The following UNC13C variants were observed in gnomAD, a reference collection of about 807,000 sequenced individuals.
UNC13C encodes the protein protein unc-13 homolog C.
A neutral mutation model predicts 245.4 loss-of-function variants in UNC13C; 174 were observed. That is an observed-to-expected ratio of 0.71 (90% CI 0.63 to 0.80). UNC13C has a LOEUF of 0.80. Ranked by LOEUF, UNC13C falls within the 30% of genes least tolerant of loss-of-function variation. UNC13C has a pLI of 0.00. For synonymous variants in UNC13C, 992 were observed against 895.1 expected (o/e 1.11, Z -1.93); for missense variants, 2,829 against 2,602.9 (o/e 1.09, Z -1.89).
the UNC13C span, among the ~76,000 whole-genome samples, chr15:53,956,313 C>T: frequency 6.6e-6 from 1 of 151,790 alleles, no homozygotes. Flanking sequence ...ACGTGTACCA[C>T]CTGAATCTAA....
At chr15:54,225,545 T>A (rs1369364362) in intron 4 of UNC13C, among the ~76,000 whole-genome samples, 1 of 152,224 alleles carries the variant, frequency 6.6e-6, no homozygotes, top group Non-Finnish European at 1.5e-5. Context: ...GCTGTATTCC[T>A]GGGTATTTTA....
the UNC13C span, among the ~76,000 whole-genome samples, chr15:53,843,750 G>C: frequency 6.6e-6 from 1 of 152,090 alleles, no homozygotes; most frequent in Non-Finnish European, 1.5e-5. Flanking sequence ...GCACATCCCA[G>C]GTCAGCACAG....
chr15:54,346,940 A>G (rs2038872854), intron 17 of UNC13C, among the ~76,000 whole-genome samples: 1 of 152,204 alleles, frequency 6.6e-6, no homozygotes, highest in Admixed American at 6.5e-5. Flanking sequence ...AAAATAAAAA[A>G]TAAAATTTCA....
chr15:54,237,430 A>G (rs1393571600), intron 6 of UNC13C, 189 bp from the exon 7 acceptor site: 9 of 687,062 alleles, frequency 1.3e-5, no homozygotes, highest in South Asian at 3.1e-5. Flanking sequence ...GAGTTGTGGG[A>G]TCGTTCCAGT....
At chr15:54,258,234 G>T (rs2036331282) in intron 8 of UNC13C, among the ~76,000 whole-genome samples, 1 of 151,486 alleles carries the variant, frequency 6.6e-6, no homozygotes, top group Non-Finnish European at 1.5e-5. Context: ...GCCCTTCCTT[G>T]GCCCTCATCT....
chr15:54,088,907 A>T (rs760031092), intron 2 of UNC13C, among the ~76,000 whole-genome samples: 1 of 152,240 alleles, frequency 6.6e-6, no homozygotes, highest in Non-Finnish European at 1.5e-5. Flanking sequence ...TTGAAACAGA[A>T]GAAATCTTGG....
the UNC13C span, among the ~76,000 whole-genome samples, chr15:53,837,817 C>G: frequency 6.6e-6 from 1 of 152,100 alleles, no homozygotes; most frequent in South Asian, 2.1e-4. Flanking sequence ...TCCATCTTTT[C>G]CCTACTGGTT....
At chr15:54,095,859 G>A (rs913544905) in intron 2 of UNC13C, among the ~76,000 whole-genome samples, 3 of 152,176 alleles carry the variant, frequency 2.0e-5, no homozygotes, top group African/African-American at 7.2e-5. Flanking sequence ...AGTTCCATGG[G>A]ATTTTAGAGG....
the UNC13C span, chr15:53,910,989 G>A: frequency 6.6e-6 from 1 of 152,258 alleles, no homozygotes; most frequent in East Asian, 1.9e-4. Context: ...GTACCCAGGG[G>A]CAGCGGTGCT....
At chr15:53,993,681 G>T (rs1310384623) in intron 1 of UNC13C, among the ~76,000 whole-genome samples, 1 of 152,022 alleles carries the variant, frequency 6.6e-6, no homozygotes, top group African/African-American at 2.4e-5. Flanking sequence ...TTTACTCAGA[G>T]GATATTCTAA....
chr15:54,336,309 C>G (rs1425210899), intron 16 of UNC13C, among the ~76,000 whole-genome samples: 1 of 151,978 alleles, frequency 6.6e-6, no homozygotes, highest in Non-Finnish European at 1.5e-5. Flanking sequence ...TATCTAAAAT[C>G]TACTTTCTTG....
At chr15:54,506,669 G>GACAA (rs1029316634) in intron 22 of UNC13C, among the ~76,000 whole-genome samples, 2 of 152,014 alleles carry the variant, frequency 1.3e-5, no homozygotes, top group Non-Finnish European at 2.9e-5. Flanking sequence ...TAACTCTTTG[G>GACAA]AGTGTCTCCC....
intron 4 of UNC13C, among the ~76,000 whole-genome samples, chr15:54,174,036 T>C (rs146987624): frequency 9.8e-4 from 150 of 152,318 alleles, no homozygotes; most frequent in African/African-American, 3.5e-3. Flanking sequence ...ATTCTTATGA[T>C]AAACTTCAAT....
chr15:53,840,068 T>A, the UNC13C span, among the ~76,000 whole-genome samples: 1 of 152,122 alleles, frequency 6.6e-6, no homozygotes, highest in East Asian at 1.9e-4. Flanking sequence ...ATGAACAGGA[T>A]GAAAGAGCAG....
chr15:54,514,880 T>A (rs1466768102), intron 24 of UNC13C, among the ~76,000 whole-genome samples: 1 of 152,168 alleles, frequency 6.6e-6, no homozygotes, highest in Non-Finnish European at 1.5e-5. Context: ...AAGCAATCAT[T>A]GTTAGACAGT....
intron 4 of UNC13C, among the ~76,000 whole-genome samples, chr15:54,169,281 C>CTA (rs1398002085): frequency 1.3e-5 from 2 of 152,160 alleles, no homozygotes; most frequent in African/African-American, 4.8e-5. Context: ...CATCTGATGG[C>CTA]TATACGTTTA....
intron 19 of UNC13C, among the ~76,000 whole-genome samples, chr15:54,482,103 C>T (rs765607351): frequency 6.6e-6 from 1 of 152,092 alleles, no homozygotes; most frequent in Non-Finnish European, 1.5e-5. Context: ...TGTGCTTTAC[C>T]ACATGTTCCC....
intron 19 of UNC13C, among the ~76,000 whole-genome samples, chr15:54,419,932 C>G (rs1338192800): frequency 6.6e-6 from 1 of 152,012 alleles, no homozygotes; most frequent in African/African-American, 2.4e-5. Flanking sequence ...TATATGAGGC[C>G]TCAGGAGACT....
intron 32 of UNC13C, among the ~76,000 whole-genome samples, chr15:54,626,567 A>G (rs966846258): frequency 1.3e-5 from 2 of 152,102 alleles, no homozygotes; most frequent in South Asian, 2.1e-4. Context: ...CGCACCCGCA[A>G]TCAGGAGATT....
Sources: gnomAD v4.1 joint callset for allele counts (sites outside exome capture counted in the v4.1 genomes callset) on GRCh38, gnomAD v4.1.1 for gene constraint, MANE v1.5 for transcripts, NCBI Gene and HGNC (gene_info 2026-07-23, HGNC 2026-07-21) for gene names.